Variants in TMEM74 observed in about 807,000 individuals in gnomAD.
TMEM74 encodes the protein transmembrane protein 74.
TMEM74 carries 13 observed loss-of-function variants against 18.1 expected under a neutral mutation model. The ratio of observed to expected loss-of-function variants is 0.72; its 90% CI spans 0.47 to 1.14. The LOEUF is 1.14. TMEM74 is among the 50% of genes most tolerant of loss of function. The probability of loss-of-function intolerance (pLI) is 0.00; values close to 1 mark genes in which losing one functional copy is unlikely to be tolerated. For missense variants in TMEM74, 372 were observed against 375.9 expected (o/e 0.99, Z 0.09); for synonymous variants, 159 against 146.6 (o/e 1.08, Z -0.61).
Position 108,676,643 on chromosome 8 carries a change from G to A in TMEM74, n.120-21206C>T, listed in dbSNP as rs1490584909. Among the ~76,000 whole-genome samples the A allele has an allele frequency of 4.6e-5, 7 of 152,242 alleles. No individual in the cohort carries two copies. In the South Asian group the frequency reaches 6.2e-4, roughly 14 times the overall value. Reference sequence around the variant, plus strand: ...TTCACCCTCTAGTAAAATGTGTAATGTATATTATATTTATATTTTATTTAA... The same window carrying A: ...TTCACCCTCTAGTAAAATGTGTAATATATATTATATTTATATTTTATTTAA... On this transcript the variant is annotated intron_variant and non_coding_transcript_variant, in intron 1 of 3. Coordinates refer to the TMEM74 transcript ENST00000518838.
chr8:108,709,853 T>A (rs942782939), intron 1 of TMEM74, among the ~76,000 whole-genome samples: 1 of 152,192 alleles, frequency 6.6e-6, no homozygotes, highest in Non-Finnish European at 1.5e-5. Context: ...TAAATATACG[T>A]AGTTCTTTGT....
At chr8:108,629,530 T>A (rs1468131406) in intron 2 of TMEM74, among the ~76,000 whole-genome samples, 1 of 151,864 alleles carries the variant, frequency 6.6e-6, no homozygotes, top group African/African-American at 2.4e-5. Context: ...GACACATAAT[T>A]GTCAGATTCT....
intron 1 of TMEM74, among the ~76,000 whole-genome samples, chr8:108,717,951 T>TG: frequency 2.0e-5 from 1 of 48,956 alleles, no homozygotes; most frequent in Non-Finnish European, 3.1e-5. Context: ...GGTTTTTTTT[T>TG]TTTTTTTTTT....
rs1232654448 is a variant in TMEM74 at position 108,780,203 on chromosome 8, GT to G, written c.*3977del. ...TTGTGAATCTTTTTTGTCAGACCAC[GT>G]TTTTTTGATGGCATTAATTGCTGCA... On this transcript the variant is annotated 3_prime_UTR_variant, in exon 2 of 2. Coordinates refer to ENST00000297459, the MANE Select transcript of TMEM74 (RefSeq NM_153015.3). Among the ~76,000 whole-genome samples the G allele has an allele frequency of 6.6e-6, 1 of 152,098 alleles. No individual in the cohort carries two copies. Among genetic ancestry groups the G allele is most frequent in the Admixed American group, 6.5e-5 (1 of 15,272 alleles).
At chr8:108,774,756 ATT>A (rs71305916), downstream of TMEM74, among the ~76,000 whole-genome samples, 229 of 121,204 alleles carry the variant, frequency 1.9e-3, no homozygotes, top group African/African-American at 5.0e-3. Context: ...CCTTCCTTTA[ATT>A]TTTTTTTTTT....
intron 1 of TMEM74, among the ~76,000 whole-genome samples, chr8:108,770,182 A>G (rs1050620419): frequency 6.6e-6 from 1 of 152,120 alleles, no homozygotes; most frequent in African/African-American, 2.4e-5. Flanking sequence ...TACAGAGAGG[A>G]GGAGAAAGAG....
intron 1 of TMEM74, among the ~76,000 whole-genome samples, chr8:108,742,471 T>C (rs1813810994): frequency 6.6e-6 from 1 of 152,226 alleles, no homozygotes; most frequent in African/African-American, 2.4e-5. Context: ...CGAAGCATAG[T>C]TCTCAACACT....
intron 1 of TMEM74, among the ~76,000 whole-genome samples, chr8:108,703,892 C>G (rs539055314): frequency 2.0e-5 from 3 of 152,324 alleles, no homozygotes; most frequent in African/African-American, 7.2e-5. Flanking sequence ...AGAAAGAGTT[C>G]AAATGCCCCT....
intron 1 of TMEM74, among the ~76,000 whole-genome samples, chr8:108,683,843 A>G (rs530070689): frequency 6.6e-6 from 1 of 152,094 alleles, no homozygotes; most frequent in Non-Finnish European, 1.5e-5. Flanking sequence ...TATAGTGAGA[A>G]CATGCAATGT....
At chr8:108,657,859 A>AAAATATAT (rs1554630268) in intron 1 of TMEM74, among the ~76,000 whole-genome samples, 1 of 49,888 alleles carries the variant, frequency 2.0e-5, no homozygotes, top group Non-Finnish European at 3.5e-5. Context: ...AAAAAAAAAA[A>AAAATATAT]ATATATATAT....
intron 1 of TMEM74, among the ~76,000 whole-genome samples, chr8:108,710,240 C>T (rs557524786): frequency 6.6e-6 from 1 of 152,336 alleles, no homozygotes; most frequent in Non-Finnish European, 1.5e-5. Context: ...TGTTTCAATG[C>T]TTAGCATTGT....
intron 1 of TMEM74, among the ~76,000 whole-genome samples, chr8:108,687,745 G>A (rs935452070): frequency 1.3e-5 from 2 of 152,058 alleles, no homozygotes; most frequent in East Asian, 1.9e-4. Context: ...ATACTCCTAT[G>A]AGAATCTAAA....
chr8:108,780,846 G>A lies in TMEM74; in HGVS notation c.*3335C>T, dbSNP rs778870003. Reference sequence around the variant, plus strand: ...CGAAAAGCTGTTCTTTATATGAGGGGCCAGTACATCTTATTATGTGATCTG... The same window carrying A: ...CGAAAAGCTGTTCTTTATATGAGGGACCAGTACATCTTATTATGTGATCTG... On this transcript the variant is annotated 3_prime_UTR_variant, in exon 2 of 2. Coordinates refer to ENST00000297459, the MANE Select transcript of TMEM74 (RefSeq NM_153015.3). Among the ~76,000 whole-genome samples the A allele has an allele frequency of 2.4e-4, 36 of 152,098 alleles. No homozygotes were observed. Among genetic ancestry groups the A allele is most frequent in the South Asian group, 4.1e-4 (2 of 4,824 alleles).
chr8:108,688,040 A>G (rs1813188975), intron 1 of TMEM74, among the ~76,000 whole-genome samples: 2 of 152,244 alleles, frequency 1.3e-5, no homozygotes, highest in African/African-American at 2.4e-5. Context: ...TGACTAGCAT[A>G]CATTTCAAAA....
chr8:108,640,028 T>C (rs1385451700), intron 2 of TMEM74, among the ~76,000 whole-genome samples: 2 of 151,888 alleles, frequency 1.3e-5, no homozygotes, highest in Non-Finnish European at 2.9e-5. Flanking sequence ...TTAGCCTAGA[T>C]ACTTCTTCTA....
At chr8:108,785,849 C>A (rs547174860) in intron 1 of TMEM74, among the ~76,000 whole-genome samples, 5 of 152,300 alleles carry the variant, frequency 3.3e-5, no homozygotes, top group Admixed American at 2.6e-4. Flanking sequence ...TTCCACTTAG[C>A]CCTATTCCCT....
At chr8:108,772,538 AT>A (rs1814184755) in intron 1 of TMEM74, among the ~76,000 whole-genome samples, 1 of 152,194 alleles carries the variant, frequency 6.6e-6, no homozygotes, top group African/African-American at 2.4e-5. Flanking sequence ...TGTGGAATAC[AT>A]ACAAAGTGCT....
intron 1 of TMEM74, among the ~76,000 whole-genome samples, chr8:108,772,558 T>A (rs545013451): frequency 6.6e-6 from 1 of 152,246 alleles, no homozygotes; most frequent in East Asian, 1.9e-4. Context: ...CTACAGCCAT[T>A]TAAAGAAGGG....
At chr8:108,611,861 G>T (rs963382525) in intron 2 of TMEM74, among the ~76,000 whole-genome samples, 1 of 152,110 alleles carries the variant, frequency 6.6e-6, no homozygotes, top group Non-Finnish European at 1.5e-5. Context: ...CCAACGACTG[G>T]GTAATTTATA....
Sources: gnomAD v4.1 joint callset for allele counts (sites outside exome capture counted in the v4.1 genomes callset) on GRCh38, gnomAD v4.1.1 for gene constraint, MANE v1.5 for transcripts, NCBI Gene and HGNC (gene_info 2026-07-23, HGNC 2026-07-21) for gene names.